The following MUC5AC variants were observed in gnomAD, a reference collection of about 807,000 sequenced individuals.
MUC5AC encodes the protein mucin 5AC, oligomeric mucus/gel-forming.
Under a neutral mutation model 169.7 loss-of-function variants are expected in MUC5AC, and 158 were observed. The observed-to-expected ratio is 0.93, with a 90% CI of 0.82 to 1.06. The LOEUF (loss-of-function observed/expected upper bound fraction) is 1.06, where lower values mean the gene tolerates loss of function less well. Ranked by LOEUF, MUC5AC falls within the 50% of genes least tolerant of loss-of-function variation. The probability of loss-of-function intolerance (pLI) is 0.00; values close to 1 mark genes in which losing one functional copy is unlikely to be tolerated. For synonymous variants in MUC5AC, 1,975 were observed against 1,237.0 expected, an observed-to-expected ratio of 1.60 and a Z score of -12.52; for missense variants, 4,359 against 3,089.9, an observed-to-expected ratio of 1.41 and a Z score of -9.74.
At position 1,200,891 on chromosome 11, in the gene MUC5AC, A is replaced by G; in HGVS notation, c.*189A>G. 2 of 450,740 alleles carry G rather than the reference A, an allele frequency of 4.4e-6. No homozygotes were observed. The highest frequency in any genetic ancestry group is 5.6e-5 in the South Asian group (1 of 17,962). 27.9% of individuals were successfully genotyped at this position (450,740 alleles called of 1,614,324 possible). A position where few individuals can be genotyped will look rare whatever the true frequency, so the allele number is the denominator to read the frequency against. On this transcript the variant is annotated 3_prime_UTR_variant, in exon 49 of 49. Coordinates refer to ENST00000621226, the MANE Select transcript of MUC5AC (RefSeq NM_001304359.2). ...CTGCCTGGAGGAGGGGCCCTTACCC[A>G]CCCCGCCTGCAGCCACCTCTCAGGA...
intron 15 of MUC5AC, among the ~76,000 whole-genome samples, chr11:1,171,775 C>G (rs1860551503): frequency 7.2e-6 from 1 of 139,236 alleles, no homozygotes; most frequent in Admixed American, 7.2e-5. Context: ...CACTCACCCA[C>G]TCACCCATTC....
At position 1,192,809 on chromosome 11, in the gene MUC5AC, C is replaced by G; in HGVS notation, c.14407C>G (p.Leu4803Val). Reference sequence around the variant, plus strand: ...ATCCACCATATACCGCCACAGAGACCTCGCTGGCCATTGCTATTATGCCCT... The same window carrying G: ...ATCCACCATATACCGCCACAGAGACGTCGCTGGCCATTGCTATTATGCCCT... ...AGSTIYRHRD[L>V]AGHCYYALCS... is the part of the protein sequence containing the mutation. The change falls in exon 32 of 49, where the codon CTC (leucine) becomes GTC (valine). Residue 4803 changes from leucine to valine, a missense_variant. Leu to Val is a conservative substitution (Grantham distance 32). Coordinates refer to ENST00000621226, the MANE Select transcript of MUC5AC (RefSeq NM_001304359.2). 2 of 762,786 alleles carry G rather than the reference C, an allele frequency of 2.6e-6. No individual in the cohort carries two copies. Among genetic ancestry groups the G allele is most frequent in the Non-Finnish European group, 4.8e-6 (2 of 415,982 alleles). The allele number at this position is 762,786 out of a possible 1,614,324, so 47.3% of individuals were successfully genotyped here. A position where few individuals can be genotyped will look rare whatever the true frequency, so the allele number is the denominator to read the frequency against.
chr11:1,167,246 A>G (rs889696034), intron 11 of MUC5AC, among the ~76,000 whole-genome samples: 2 of 146,794 alleles, frequency 1.4e-5, no homozygotes, highest in African/African-American at 5.2e-5. Context: ...TGCACCCAAC[A>G]CACAGTCTCT....
At chr11:1,179,940 C>T (rs1274483840) in intron 26 of MUC5AC, 82 bp from the exon 27 acceptor site, 6 of 397,998 alleles carry the variant, frequency 1.5e-5, no homozygotes, top group Admixed American at 8.8e-5. Flanking sequence ...GGGAGGGAAG[C>T]GGCTTTAGAA....
At chr11:1,167,617 C>T (rs1860373741) in intron 11 of MUC5AC, among the ~76,000 whole-genome samples, 1 of 152,232 alleles carries the variant, frequency 6.6e-6, no homozygotes, top group African/African-American at 2.4e-5. Flanking sequence ...CTGGCATTTG[C>T]ACCTTCTGAG....
chr11:1,164,065 C>G, intron 7 of MUC5AC, 41 bp from the exon 8 acceptor site: 1 of 1,609,544 alleles, frequency 6.2e-7, no homozygotes, highest in Non-Finnish European at 8.5e-7. Flanking sequence ...CGGTCCAGAT[C>G]CCCCACCGAG....
Position 1,163,883 on chromosome 11 carries a change from C to T in MUC5AC, c.681C>T (p.Asn227=). 8 of 1,604,294 alleles carry T rather than the reference C, an allele frequency of 5.0e-6. No individual in the cohort carries two copies. The highest frequency in any genetic ancestry group is 6.8e-6 in the Non-Finnish European group (8 of 1,176,360). The part of the protein sequence containing the change: ...MPVVSELLSH[N]TKLTPMEFGN... ...AGCCCGCCTCTGTGCTTGCCGCAGA[C>T]ACCAAGCTGACACCCATGGAATTCG... is the stretch of plus-strand genomic sequence containing the variant. The change falls in exon 7 of 49, where the codon AAC becomes AAT. Residue 227 remains asparagine (N), a splice_region_variant and synonymous_variant. Coordinates refer to ENST00000621226, the MANE Select transcript of MUC5AC (RefSeq NM_001304359.2).
chr11:1,170,980 C>CACT (rs1860500683), intron 15 of MUC5AC, among the ~76,000 whole-genome samples: 1 of 121,116 alleles, frequency 8.3e-6, no homozygotes, highest in African/African-American at 3.4e-5. Flanking sequence ...CCCATTCACC[C>CACT]CACTCACCTA....
intron 28 of MUC5AC, 93 bp downstream of exon 28, chr11:1,180,609 C>CTGGGGACCTCCCCGTTACTGGAGT (rs1860794893): frequency 5.0e-6 from 2 of 398,420 alleles, no homozygotes; most frequent in South Asian, 1.3e-4. Context: ...AGCGGCAGGG[C>CTGGGGACCTCCCCGTTACTGGAGT]TGGGGACCTC....
Position 1,181,167 on chromosome 11 carries a change from A to C in MUC5AC, c.3805A>C (p.Thr1269Pro). 1 of 398,480 alleles carries C rather than the reference A, an allele frequency of 2.5e-6. No individual in the cohort carries two copies. The highest frequency in any genetic ancestry group is 3.6e-5 in the East Asian group (1 of 28,050). 24.7% of individuals were successfully genotyped at this position (398,480 alleles called of 1,614,324 possible). A position where few individuals can be genotyped will look rare whatever the true frequency, so the allele number is the denominator to read the frequency against. ...TTGTACGGAGCGCGGCGTGGAGTGC[A>C]CCTACAAAGCTGAGGGTGAGCGGCC... is the stretch of plus-strand genomic sequence containing the variant. ...CLCTERGVECTYKAEACVCTY... is the reference protein window; with the variant it reads ...CLCTERGVECPYKAEACVCTY... Residue 1269 changes from threonine to proline, a missense_variant, in exon 29 of 49, where the codon ACC becomes CCC. Thr to Pro is a conservative substitution (Grantham distance 38). Coordinates refer to ENST00000621226, the MANE Select transcript of MUC5AC (RefSeq NM_001304359.2).
At position 1,197,578 on chromosome 11, in the gene MUC5AC, C is replaced by A. The variant is rs756239589; in HGVS notation, c.15972C>A (p.Pro5324=). 2 of 721,140 alleles carry A rather than the reference C, an allele frequency of 2.8e-6. No individual in the cohort carries two copies. Among genetic ancestry groups the A allele is most frequent in the Non-Finnish European group, 5.0e-6 (2 of 396,566 alleles). The allele number at this position is 721,140 out of a possible 1,614,324, so 44.7% of individuals were successfully genotyped here. ...CGCTGCCCCCTGCCTGCCCCCTGCC[C>A]GGCTTCGTGCCTGTGCCTGCAGCCC... ...LCPLPPACPL[P]GFVPVPAAPQ... Residue 5324 remains proline, a synonymous_variant, in exon 41 of 49, where the codon CCC becomes CCA. Transcript: ENST00000621226.
In MUC5AC at chr11:1,189,346, C is replaced by T; in HGVS notation, c.11201C>T (p.Thr3734Ile). The T allele has an allele frequency of 1.8e-6, 1 of 570,530 alleles. No individual in the cohort carries two copies. The highest frequency in any genetic ancestry group is 3.1e-6 in the Non-Finnish European group (1 of 322,422). 35.3% of individuals were successfully genotyped at this position (570,530 alleles called of 1,614,324 possible). ...AGCAGCACAACCTCGGCTCCTACCA[C>T]CAGCACAATCTCTGCCCCTACAACC... ...PTSSTTSAPT[T>I]STISAPTTST... Residue 3734 changes from threonine to isoleucine, a missense_variant, in exon 31 of 49, where the codon ACC (threonine) becomes ATC (isoleucine). Transcript: ENST00000621226.
chr11:1,190,496 T>C lies in MUC5AC; in HGVS notation c.12351T>C (p.Ser4117=), dbSNP rs1209097415. 46 of 699,654 alleles carry C rather than the reference T, an allele frequency of 6.6e-5. No individual in the cohort carries two copies. The highest frequency in any genetic ancestry group is 4.6e-4 in the Middle Eastern group (2 of 4,368). The allele number at this position is 699,654 out of a possible 1,614,324, so 43.3% of individuals were successfully genotyped here. ...SAPTTSTIPA[S]TPSTTSAPTT... is the part of the protein sequence containing the mutation. The stretch of plus-strand genomic sequence containing the variant: ...CTACAACCAGCACAATCCCTGCTTC[T>C]ACACCCAGCACAACCTCTGCCCCTA... The change falls in exon 31 of 49, where the codon TCT becomes TCC. Residue 4117 remains serine, a synonymous_variant. Coordinates refer to ENST00000621226, the MANE Select transcript of MUC5AC (RefSeq NM_001304359.2).
intron 15 of MUC5AC, among the ~76,000 whole-genome samples, chr11:1,171,588 CTCACCCACTCACTCACCCAT>C (rs1350880962): frequency 7.2e-6 from 1 of 139,424 alleles, no homozygotes; most frequent in Non-Finnish European, 1.6e-5. Context: ...CATTCACCCA[CTCACCCACTCACTCACCCAT>C]TCACCCACTC....
At chr11:1,173,093 C>G (rs1481575593) in intron 16 of MUC5AC, among the ~76,000 whole-genome samples, 2 of 133,020 alleles carry the variant, frequency 1.5e-5, no homozygotes, top group Non-Finnish European at 3.1e-5. Flanking sequence ...CTTTCACTCA[C>G]TCACTCACTC....
rs1215218334 is a variant in MUC5AC, at chr11:1,191,329, C to G, written c.13184C>G (p.Ser4395Cys). The change falls in exon 31 of 49, where the codon TCT (serine) becomes TGT (cysteine). Residue 4395 changes from serine to cysteine, a missense_variant. Coordinates refer to ENST00000621226, the MANE Select transcript of MUC5AC (RefSeq NM_001304359.2). ...TCTGCTCCTACAACCAGAACAACCT[C>G]TGCCTCTACAGCCAGCACAACCTCT... is the stretch of plus-strand genomic sequence containing the variant. ...TTSAPTTRTTSASTASTTSGP... is the reference protein window; with the variant it reads ...TTSAPTTRTTCASTASTTSGP... 1.3e-6 allele frequency: 1 copy of G among 751,682 alleles called. No individual in the cohort carries two copies. The highest frequency in any genetic ancestry group is 2.4e-6 in the Non-Finnish European group (1 of 411,662). 46.6% of individuals were successfully genotyped at this position (751,682 alleles called of 1,614,324 possible).
chr11:1,190,154 A>G lies in MUC5AC; in HGVS notation c.12009A>G (p.Arg4003=). The change falls in exon 31 of 49, where the codon CGA becomes CGG. Residue 4003 remains arginine, a synonymous_variant. Transcript: ENST00000621226. ...RPEEITRLQC[R]AESHPEVSIE... is the part of the protein sequence containing the mutation. Reference sequence around the variant, plus strand: ...AGGAGATCACCAGGCTCCAGTGCCGAGCCGAGAGCCACCCGGAGGTGAGCA... The same window carrying G: ...AGGAGATCACCAGGCTCCAGTGCCGGGCCGAGAGCCACCCGGAGGTGAGCA... 2 of 764,744 alleles carry G rather than the reference A, an allele frequency of 2.6e-6. No individual in the cohort carries two copies. Among genetic ancestry groups the G allele is most frequent in the Non-Finnish European group, 4.8e-6 (2 of 417,718 alleles). 47.4% of individuals were successfully genotyped at this position (764,744 alleles called of 1,614,324 possible).
At chr11:1,200,387 C>T (rs1861394204) in intron 48 of MUC5AC, 51 bp from the exon 49 acceptor site, 1 of 639,730 alleles carries the variant, frequency 1.6e-6, no homozygotes, top group Non-Finnish European at 2.9e-6. Context: ...CGGCTTACGG[C>T]AGGAGGCTGG....
At chr11:1,161,007 C>A (rs1415538820) in intron 2 of MUC5AC, among the ~76,000 whole-genome samples, 1 of 152,324 alleles carries the variant, frequency 6.6e-6, no homozygotes, top group Admixed American at 6.5e-5. Flanking sequence ...GTGTCCCCCC[C>A]GTTCACCTCC....
Sources: gnomAD v4.1 joint callset for allele counts (sites outside exome capture counted in the v4.1 genomes callset) on GRCh38, gnomAD v4.1.1 for gene constraint, MANE v1.5 for transcripts, NCBI Gene and HGNC (gene_info 2026-07-23, HGNC 2026-07-21) for gene names.